The following TMC7 variants were observed in gnomAD, a reference collection of about 807,000 sequenced individuals.
TMC7 encodes the protein transmembrane channel-like protein 7.
In TMC7, 54 loss-of-function variants were observed where a neutral mutation model predicts 82.9. That is an observed-to-expected ratio of 0.65 (90% CI 0.52 to 0.82). The LOEUF (loss-of-function observed/expected upper bound fraction) is 0.82, where lower values mean the gene tolerates loss of function less well. Ranked by LOEUF, TMC7 falls within the 40% of genes least tolerant of loss-of-function variation. The pLI, the probability that TMC7 is intolerant of heterozygous loss-of-function variation, is 0.00. For missense variants in TMC7, 820 were observed against 901.2 expected (o/e 0.91, Z 1.15); for synonymous variants, 350 against 337.9 (o/e 1.04, Z -0.39).
chr16:19,059,616 C>A, intron 15 of TMC7, 122 bp downstream of exon 15: 1 of 1,589,864 alleles, frequency 6.3e-7, no homozygotes, highest in East Asian at 2.3e-5. Context: ...ACCACCTCCC[C>A]AAAACTCTGC....
At chr16:19,046,352 A>G (rs1409841659) in intron 11 of TMC7, among the ~76,000 whole-genome samples, 1 of 152,210 alleles carries the variant, frequency 6.6e-6, no homozygotes, top group East Asian at 1.9e-4. Flanking sequence ...AGTAACTGGG[A>G]TAATTAATGC....
intron 2 of TMC7, among the ~76,000 whole-genome samples, chr16:19,012,478 C>T (rs1325583799): frequency 6.6e-6 from 1 of 151,974 alleles, no homozygotes; most frequent in East Asian, 1.9e-4. Context: ...ATCTGGTTTA[C>T]CAGTGAATCC....
intron 1 of TMC7, among the ~76,000 whole-genome samples, chr16:18,988,029 A>G (rs1241939873): frequency 6.6e-6 from 1 of 151,984 alleles, no homozygotes; most frequent in South Asian, 2.1e-4. Context: ...TTGTTTTTAG[A>G]GACAGGGTTT....
chr16:18,998,395 T>G (rs35157611), intron 1 of TMC7, among the ~76,000 whole-genome samples: 47,343 of 151,994 alleles, frequency 0.31, 7,619 homozygotes, highest in Non-Finnish European at 0.36. Flanking sequence ...CTTGCCACCT[T>G]CTCGGACAGA....
Position 18,984,362 on chromosome 16 carries a change from G to A in TMC7, c.67+232G>A, listed in dbSNP as rs1596704101. 8 of 1,293,806 alleles carry A rather than the reference G, an allele frequency of 6.2e-6. No homozygotes were observed. In the East Asian group the frequency reaches 2.3e-4, roughly 37 times the overall value. The allele number at this position is 1,293,806 out of a possible 1,614,324, so 80.1% of individuals were successfully genotyped here. On this transcript the variant is annotated intron_variant, in intron 1 of 15. Transcript: ENST00000304381. ...ACCCAGCCGGGCCAAAAGGACACGA[G>A]AACTGCAGTCTGGACCGTGGTGGGT...
intron 6 of TMC7, among the ~76,000 whole-genome samples, chr16:19,034,364 C>T (rs191668121): frequency 3.8e-4 from 58 of 151,972 alleles, no homozygotes; most frequent in Non-Finnish European, 7.5e-4. Context: ...TTTGAGAGGC[C>T]GAGGCGGATG....
At chr16:19,013,140 T>C (rs530148455) in intron 2 of TMC7, among the ~76,000 whole-genome samples, 192 of 151,564 alleles carry the variant, frequency 1.3e-3, no homozygotes, top group African/African-American at 4.6e-3. Context: ...TAATTGCTAA[T>C]AGTTGTTATT....
At chr16:18,986,256 G>A (rs1307528029) in intron 1 of TMC7, among the ~76,000 whole-genome samples, 3 of 151,956 alleles carry the variant, frequency 2.0e-5, no homozygotes, top group East Asian at 1.9e-4. Context: ...TTAGCCAGGT[G>A]TGGTGGCATG....
In TMC7 at chr16:19,021,675, C is replaced by G; in HGVS notation, c.507C>G (p.Phe169Leu). The change falls in exon 4 of 16, where the codon TTC becomes TTG. Residue 169 changes from phenylalanine (F) to leucine (L), a missense_variant. Phe to Leu is a conservative substitution (Grantham distance 22). Around this residue, in one of 2 missense-constraint regions of TMC7, gnomAD observed 650 missense variants for 669.9 expected, o/e 0.97. Transcript: ENST00000304381. ...AGTCCTATTTCTCCTTCTTGAGATT[C>G]CTGGTGTTGCTGAATTTGGTGATAT... is the stretch of plus-strand genomic sequence containing the variant. The part of the protein sequence containing the change: ...GIQSYFSFLR[F>L]LVLLNLVIFL... 6.2e-7 allele frequency: 1 copy of G among 1,614,054 alleles called. No homozygotes were observed. The highest frequency in any genetic ancestry group is 8.5e-7 in the Non-Finnish European group (1 of 1,180,000).
chr16:19,027,675 T>A (rs1253284265), intron 5 of TMC7, among the ~76,000 whole-genome samples: 1 of 152,168 alleles, frequency 6.6e-6, no homozygotes, highest in East Asian at 1.9e-4. Flanking sequence ...GACACGTTTT[T>A]ATGGCCTTTG....
At chr16:18,999,805 C>A (rs909491102) in intron 1 of TMC7, among the ~76,000 whole-genome samples, 5 of 152,208 alleles carry the variant, frequency 3.3e-5, no homozygotes, top group Non-Finnish European at 5.9e-5. Context: ...GCCCTGTTGC[C>A]CAGGCTGGAG....
intron 1 of TMC7, among the ~76,000 whole-genome samples, chr16:18,998,995 C>T (rs949931153): frequency 6.6e-6 from 1 of 152,146 alleles, no homozygotes; most frequent in South Asian, 2.1e-4. Context: ...GGCTCCTCCC[C>T]TCTCAGACTA....
chr16:18,998,564 C>T (rs2142140162), intron 1 of TMC7, among the ~76,000 whole-genome samples: 1 of 152,086 alleles, frequency 6.6e-6, no homozygotes, highest in Non-Finnish European at 1.5e-5. Context: ...ACCATCCTGG[C>T]CAACATGGTG....
intron 13 of TMC7, among the ~76,000 whole-genome samples, chr16:19,053,047 T>C (rs556391035): frequency 3.4e-4 from 52 of 152,324 alleles, no homozygotes; most frequent in African/African-American, 1.2e-3. Context: ...TGATTCTGTA[T>C]GTGTTTTGTT....
intron 1 of TMC7, among the ~76,000 whole-genome samples, chr16:18,992,781 G>A (rs1477292605): frequency 1.3e-5 from 2 of 152,162 alleles, no homozygotes; most frequent in Non-Finnish European, 2.9e-5. Flanking sequence ...TGTAGAAGGT[G>A]TAAGGAAGGG....
chr16:18,987,901 G>C (rs1316020198), intron 1 of TMC7, among the ~76,000 whole-genome samples: 1 of 152,182 alleles, frequency 6.6e-6, no homozygotes, highest in Non-Finnish European at 1.5e-5. Flanking sequence ...GGACTGACCT[G>C]ACTGCCAGAT....
chr16:19,023,130 T>C lies in TMC7; in HGVS notation c.646T>C (p.Tyr216His), dbSNP rs1459153276. The change falls in exon 5 of 16, where the codon TAT (tyrosine) becomes CAT (histidine). Residue 216 changes from tyrosine to histidine, a missense_variant. By Grantham distance (83) the Tyr-to-His change is moderately conservative. Around this residue, in one of 2 missense-constraint regions of TMC7, gnomAD observed 650 missense variants for 669.9 expected, o/e 0.97. Coordinates refer to ENST00000304381, the MANE Select transcript of TMC7 (RefSeq NM_024847.4). The stretch of plus-strand genomic sequence containing the variant: ...TCTTACAGATAAACAATGTACAGTC[T>C]ATCCAGTAAGCAGTTCTGGACTCAT... ...FKDMDKQCTV[Y>H]PVSSSGLIYF... The C allele has an allele frequency of 1.2e-6, 2 of 1,607,908 alleles. No homozygotes were observed. Among genetic ancestry groups the C allele is most frequent in the Non-Finnish European group, 1.7e-6 (2 of 1,175,402 alleles).
chr16:19,021,920 T>A, intron 4 of TMC7, 124 bp downstream of exon 4: 2 of 1,173,960 alleles, frequency 1.7e-6, no homozygotes, highest in Non-Finnish European at 1.2e-6. Context: ...CAGGATGGTC[T>A]AGGTTATGCT....
chr16:19,004,028 T>TA (rs2039188977), intron 1 of TMC7, among the ~76,000 whole-genome samples: 1 of 29,600 alleles, frequency 3.4e-5, no homozygotes, highest in Non-Finnish European at 7.8e-5. Flanking sequence ...GAATTATCAA[T>TA]AAAAAAATAA....
Sources: gnomAD v4.1 joint callset for allele counts (sites outside exome capture counted in the v4.1 genomes callset) on GRCh38, gnomAD v4.1.1 for gene constraint, gnomAD v4.1.1 regional missense constraint, MANE v1.5 for transcripts, NCBI Gene and HGNC (gene_info 2026-07-23, HGNC 2026-07-21) for gene names.